The following NUDT6 variants were observed in gnomAD, a reference collection of about 807,000 sequenced individuals.
NUDT6 encodes the protein nudix hydrolase 6.
A neutral mutation model predicts 36.8 loss-of-function variants in NUDT6; 24 were observed. That is an observed-to-expected ratio of 0.65 (90% CI 0.47 to 0.92). The LOEUF (loss-of-function observed/expected upper bound fraction) is 0.92. NUDT6 is among the 40% of genes least tolerant of loss of function. The probability of loss-of-function intolerance (pLI) is 0.00; values close to 1 mark genes in which losing one functional copy is unlikely to be tolerated. For missense variants in NUDT6, 388 were observed against 392.8 expected (o/e 0.99, Z 0.10); for synonymous variants, 163 against 157.0 (o/e 1.04, Z -0.29).
At chr4:122,899,495 G>C (rs1727465638) in intron 3 of NUDT6, among the ~76,000 whole-genome samples, 1 of 152,088 alleles carries the variant, frequency 6.6e-6, no homozygotes, top group Non-Finnish European at 1.5e-5. Flanking sequence ...AAAAAAGTTT[G>C]AGCCTGAGTA....
intron 2 of NUDT6, among the ~76,000 whole-genome samples, chr4:122,916,294 GTCT>G (rs1221832832): frequency 1.3e-5 from 2 of 152,154 alleles, no homozygotes; most frequent in African/African-American, 4.8e-5. Flanking sequence ...TCTGAGGGAA[GTCT>G]TCTCTCAACT....
chr4:122,911,250 A>G (rs1258249594), intron 3 of NUDT6, among the ~76,000 whole-genome samples: 1 of 152,164 alleles, frequency 6.6e-6, no homozygotes, highest in African/African-American at 2.4e-5. Flanking sequence ...TACTGTTGTC[A>G]GGCTAATTTG....
intron 4 of NUDT6, 172 bp downstream of exon 4, chr4:122,897,452 T>C: frequency 3.2e-6 from 2 of 631,008 alleles, no homozygotes; most frequent in South Asian, 3.8e-5. Context: ...AACTGTAATA[T>C]TAGAAATTAT....
rs1195961197 is a variant in NUDT6, at chr4:122,922,404, A to T, written c.169T>A (p.Ser57Thr). 8 of 1,610,436 alleles carry T rather than the reference A, an allele frequency of 5.0e-6. No homozygotes were observed. The highest frequency in any genetic ancestry group is 1.1e-5 in the South Asian group (1 of 91,046). ...QGELDRFGGI[S>T]VRLARLDALD... Reference sequence around the variant, plus strand: ...GCATCGAGCCGCGCCAGGCGCACCGAGATGCCCCCGAATCTGTCCAGCTCG... The same window carrying T: ...GCATCGAGCCGCGCCAGGCGCACCGTGATGCCCCCGAATCTGTCCAGCTCG... The change falls in exon 1 of 5, where the codon TCG (serine) becomes ACG (threonine). Residue 57 changes from serine to threonine, a missense_variant. Physicochemically the swap from Ser to Thr is moderately conservative, Grantham distance 58. Coordinates refer to ENST00000304430, the MANE Select transcript of NUDT6 (RefSeq NM_007083.5).
intron 3 of NUDT6, among the ~76,000 whole-genome samples, chr4:122,905,480 C>T (rs996968780): frequency 6.6e-6 from 1 of 152,176 alleles, no homozygotes; most frequent in Non-Finnish European, 1.5e-5. Flanking sequence ...GATGATCATT[C>T]ATATGTATGT....
chr4:122,914,776 A>G (rs1345944988), intron 2 of NUDT6, among the ~76,000 whole-genome samples: 1 of 152,114 alleles, frequency 6.6e-6, no homozygotes, highest in East Asian at 1.9e-4. Flanking sequence ...AATATTGAAT[A>G]TCTACTTTAT....
chr4:122,922,322 C>T lies in NUDT6; in HGVS notation c.238+13G>A, dbSNP rs759509094. On this transcript the variant is annotated intron_variant, in intron 1 of 4. Transcript: ENST00000304430. ...CTGGAGCCCCGGGAGCCCTTCGTCC[C>T]AGGCGCACTTGCCCTGCAAGCCCTT... 1.3e-6 allele frequency: 2 copies of T among 1,593,422 alleles called. No homozygotes were observed. Among genetic ancestry groups the T allele is most frequent in the South Asian group, 1.1e-5 (1 of 89,776 alleles).
chr4:122,897,860 G>T (rs1431375288), intron 3 of NUDT6, 182 bp from the exon 4 acceptor site: 2 of 577,890 alleles, frequency 3.5e-6, no homozygotes, highest in Non-Finnish European at 6.2e-6. Context: ...TGGGGGAGCT[G>T]GTAACTGATG....
rs113708696 is a variant in NUDT6 at position 122,899,044 on chromosome 4, A to ATTTTTTTTTTTTTTTTTTTTTTTTTTTTT, written c.499-1367_499-1366insAAAAAAAAAAAAAAAAAAAAAAAAAAAAA. Among the ~76,000 whole-genome samples, 66 of 69,406 alleles carry ATTTTTTTTTTTTTTTTTTTTTTTTTTTTT rather than the reference A, an allele frequency of 9.5e-4. 17 individuals are homozygous for ATTTTTTTTTTTTTTTTTTTTTTTTTTTTT. The highest frequency in any genetic ancestry group is 1.7e-3 in the Non-Finnish European group (55 of 33,128). 45.5% of individuals were successfully genotyped at this position (69,406 alleles called of 152,430 possible). A position where few individuals can be genotyped will look rare whatever the true frequency, so the allele number is the denominator to read the frequency against. On this transcript the variant is annotated intron_variant, in intron 3 of 4. Coordinates refer to ENST00000304430, the MANE Select transcript of NUDT6 (RefSeq NM_007083.5). ...CTACAGGTGTGCACCACCACACCTA[A>ATTTTTTTTTTTTTTTTTTTTTTTTTTTTT]TTTTTTTTTTTTTTTTAGAGATGAG...
Position 122,922,587 on chromosome 4 carries a change from A to G in NUDT6, c.-15T>C. On this transcript the variant is annotated 5_prime_UTR_variant, in exon 1 of 5. Coordinates refer to ENST00000304430, the MANE Select transcript of NUDT6 (RefSeq NM_007083.5). ...GGCTGCCGCATCTCCACGCCGCTTA[A>G]TTCGTCCGTTGCCCAAATGACCCCT... 5 of 1,583,980 alleles carry G rather than the reference A, an allele frequency of 3.2e-6. No individual in the cohort carries two copies. Among genetic ancestry groups the G allele is most frequent in the Non-Finnish European group, 4.3e-6 (5 of 1,169,874 alleles).
intron 3 of NUDT6, among the ~76,000 whole-genome samples, chr4:122,907,212 C>T (rs114502496): frequency 3.2e-4 from 48 of 152,182 alleles, no homozygotes; most frequent in African/African-American, 9.4e-4. Flanking sequence ...GTTTCGGCAA[C>T]GTCTGCCTCC....
At chr4:122,897,792 G>T in intron 3 of NUDT6, 114 bp from the exon 4 acceptor site, 1 of 723,862 alleles carries the variant, frequency 1.4e-6, no homozygotes, top group Non-Finnish European at 2.4e-6. Context: ...ATATTTTTTA[G>T]TAATTGCATG....
chr4:122,922,435 C>G lies in NUDT6; in HGVS notation c.138G>C (p.Leu46=). 1 of 1,612,140 alleles carries G rather than the reference C, an allele frequency of 6.2e-7. No homozygotes were observed. The highest frequency in any genetic ancestry group is 8.5e-7 in the Non-Finnish European group (1 of 1,179,868). Residue 46 remains leucine, a synonymous_variant, in exon 1 of 5, where the codon CTG becomes CTC. Coordinates refer to ENST00000304430, the MANE Select transcript of NUDT6 (RefSeq NM_007083.5). ...VRNPPVGACD[L]QGELDRFGGI... Reference sequence around the variant, plus strand: ...CCCCGAATCTGTCCAGCTCGCCCTGCAGATCGCACGCTCCAACTGGCGGAT... The same window carrying G: ...CCCCGAATCTGTCCAGCTCGCCCTGGAGATCGCACGCTCCAACTGGCGGAT...
In NUDT6 at chr4:122,917,700, T is replaced by C; in HGVS notation, c.243A>G (p.Ala81=). Residue 81 remains alanine, a synonymous_variant, in exon 2 of 5, where the codon GCA becomes GCG. Transcript: ENST00000304430. ...AAAFQKGLQA[A]VQQWRSEGRT... ...TACCTTCTGATCGCCATTGCTGTAC[T>C]GCAGCTAAATGCAGAAGAAAAAAGT... is the stretch of plus-strand genomic sequence containing the variant. The C allele has an allele frequency of 6.2e-7, 1 of 1,613,330 alleles. No individual in the cohort carries two copies. The highest frequency in any genetic ancestry group is 1.1e-5 in the South Asian group (1 of 90,960).
chr4:122,904,689 C>T (rs1028957206), intron 3 of NUDT6, among the ~76,000 whole-genome samples: 2 of 152,104 alleles, frequency 1.3e-5, no homozygotes, highest in Non-Finnish European at 2.9e-5. Context: ...CTCTTGACCT[C>T]GTGATCTGCC....
intron 3 of NUDT6, among the ~76,000 whole-genome samples, chr4:122,902,280 A>G (rs1450125931): frequency 2.6e-5 from 4 of 152,224 alleles, no homozygotes; most frequent in Admixed American, 6.5e-5. Context: ...CATACCGAAC[A>G]TAATGTACAT....
At chr4:122,912,470 T>C in intron 3 of NUDT6, 98 bp downstream of exon 3, 2 of 822,486 alleles carry the variant, frequency 2.4e-6, no homozygotes, top group Non-Finnish European at 2.0e-6. Context: ...AAAATACCTT[T>C]CTATAACCCC....
At chr4:122,908,533 C>A (rs4833846) in intron 3 of NUDT6, among the ~76,000 whole-genome samples, 5 of 151,886 alleles carry the variant, frequency 3.3e-5, no homozygotes, top group African/African-American at 9.7e-5. Flanking sequence ...TAAATGTATA[C>A]CATCCACATA....
At chr4:122,918,895 A>G (rs1727908241) in intron 1 of NUDT6, 1 of 152,252 alleles carries the variant, frequency 6.6e-6, no homozygotes, top group South Asian at 2.1e-4. Flanking sequence ...GCGATTTGAC[A>G]TATGCATATG....
Sources: gnomAD v4.1 joint callset for allele counts (sites outside exome capture counted in the v4.1 genomes callset) on GRCh38, gnomAD v4.1.1 for gene constraint, MANE v1.5 for transcripts, NCBI Gene and HGNC (gene_info 2026-07-23, HGNC 2026-07-21) for gene names.